Variants in COMMD10 observed in about 807,000 individuals in gnomAD.
The protein encoded by COMMD10 is COMM domain-containing protein 10.
Under a neutral mutation model 28.9 loss-of-function variants are expected in COMMD10, and 33 were observed. That is an observed-to-expected ratio of 1.14 (90% CI 0.87 to 1.53). The LOEUF is 1.53. COMMD10 is among the 40% of genes most tolerant of loss of function. The pLI, the probability that COMMD10 is intolerant of heterozygous loss-of-function variation, is 0.00. For missense variants in COMMD10, 310 were observed against 233.4 expected (o/e 1.33, Z -2.14); for synonymous variants, 110 against 81.7 (o/e 1.35, Z -1.87).
At chr5:116,136,265 T>C (rs975885022) in intron 5 of COMMD10, among the ~76,000 whole-genome samples, 1 of 152,236 alleles carries the variant, frequency 6.6e-6, no homozygotes, top group African/African-American at 2.4e-5. Context: ...TTGTTTCTTC[T>C]GTGAACTGAG....
At chr5:116,125,768 T>G (rs1465478460) in intron 4 of COMMD10, among the ~76,000 whole-genome samples, 1 of 152,104 alleles carries the variant, frequency 6.6e-6, no homozygotes, top group Middle Eastern at 3.2e-3. Flanking sequence ...CTTTTTTCTC[T>G]AAACTTCTCG....
At chr5:116,137,161 A>G (rs1752048337) in intron 5 of COMMD10, among the ~76,000 whole-genome samples, 1 of 151,984 alleles carries the variant, frequency 6.6e-6, no homozygotes. Flanking sequence ...ATGATTTGGT[A>G]TTCTATTCTT....
chr5:116,201,585 T>C (rs2112623612), intron 5 of COMMD10, among the ~76,000 whole-genome samples: 1 of 152,314 alleles, frequency 6.6e-6, no homozygotes, highest in East Asian at 1.9e-4. Context: ...ACTTCTCTTA[T>C]GGATCCGAGA....
At chr5:116,180,869 A>T (rs986535394) in intron 5 of COMMD10, among the ~76,000 whole-genome samples, 12 of 152,110 alleles carry the variant, frequency 7.9e-5, no homozygotes, top group Non-Finnish European at 1.5e-5. Context: ...ATGCTTATTT[A>T]AAAAGTCTTT....
intron 5 of COMMD10, among the ~76,000 whole-genome samples, chr5:116,180,024 C>G (rs945860544): frequency 6.6e-6 from 1 of 151,830 alleles, no homozygotes; most frequent in Non-Finnish European, 1.5e-5. Context: ...TGTTGTTACT[C>G]TTGATATTAA....
At chr5:116,108,600 G>C (rs768943801) in intron 4 of COMMD10, among the ~76,000 whole-genome samples, 1 of 152,198 alleles carries the variant, frequency 6.6e-6, no homozygotes, top group Non-Finnish European at 1.5e-5. Context: ...AGAATTTCAC[G>C]TCGGTGGATC....
At chr5:116,196,825 G>A (rs1032565236) in intron 5 of COMMD10, among the ~76,000 whole-genome samples, 4 of 151,814 alleles carry the variant, frequency 2.6e-5, no homozygotes, top group African/African-American at 9.7e-5. Flanking sequence ...CCTATATAAA[G>A]GACATCATAT....
chr5:116,255,940 A>G (rs1374526633), intron 5 of COMMD10: 1 of 151,588 alleles, frequency 6.6e-6, no homozygotes, highest in Non-Finnish European at 1.5e-5. Flanking sequence ...GTGTTCAGAA[A>G]CGTTGCAGTT....
rs185692372 is a variant in COMMD10, at chr5:116,249,582, A to G, written c.511-41935A>G. ...GAGACAAGTCAAGGTAAATTCCCTC[A>G]TATTCACATCTACACCTTATGGGTT... On this transcript the variant is annotated intron_variant, in intron 5 of 6. Coordinates refer to ENST00000274458, the MANE Select transcript of COMMD10 (RefSeq NM_016144.4). Among the ~76,000 whole-genome samples the G allele has an allele frequency of 2.6e-3, 392 of 151,802 alleles. 1 individual carries two copies. The highest frequency in any genetic ancestry group is 4.4e-3 in the Non-Finnish European group (301 of 67,814).
At chr5:116,127,647 A>G (rs1374902297) in intron 4 of COMMD10, among the ~76,000 whole-genome samples, 1 of 152,194 alleles carries the variant, frequency 6.6e-6, no homozygotes, top group Admixed American at 6.5e-5. Flanking sequence ...GAAGCTAGAA[A>G]CCATCATTCT....
At chr5:116,267,307 GACAA>G (rs1359965650) in intron 5 of COMMD10, among the ~76,000 whole-genome samples, 7 of 151,810 alleles carry the variant, frequency 4.6e-5, no homozygotes, top group East Asian at 3.9e-4. Flanking sequence ...ACCAATAACA[GACAA>G]ACAGAGAGTG....
At chr5:116,135,693 A>T (rs1752005558) in intron 5 of COMMD10, among the ~76,000 whole-genome samples, 1 of 152,146 alleles carries the variant, frequency 6.6e-6, no homozygotes. Flanking sequence ...TATTGTTGTT[A>T]ATCTCTTACA....
chr5:116,096,327 T>G (rs892858111), intron 4 of COMMD10, among the ~76,000 whole-genome samples: 12 of 151,826 alleles, frequency 7.9e-5, no homozygotes, highest in African/African-American at 2.7e-4. Context: ...CTTAAGTACT[T>G]TTTCTTTCTT....
chr5:116,169,993 A>G (rs191419953), intron 5 of COMMD10, among the ~76,000 whole-genome samples: 107 of 152,282 alleles, frequency 7.0e-4, no homozygotes, highest in African/African-American at 2.4e-3. Context: ...GGCCAGGGCA[A>G]TCAGGGAAGA....
intron 5 of COMMD10, among the ~76,000 whole-genome samples, chr5:116,171,380 G>A (rs1753327344): frequency 6.6e-6 from 1 of 152,118 alleles, no homozygotes; most frequent in African/African-American, 2.4e-5. Context: ...ACTGTTGGTG[G>A]GAGTGTAAAT....
chr5:116,159,440 C>G (rs1241703816), intron 5 of COMMD10, among the ~76,000 whole-genome samples: 1 of 152,188 alleles, frequency 6.6e-6, no homozygotes, highest in Non-Finnish European at 1.5e-5. Context: ...TGGAGAGAGG[C>G]CTTTCCTGAA....
At chr5:116,234,953 T>G (rs998489671) in intron 5 of COMMD10, among the ~76,000 whole-genome samples, 12 of 152,210 alleles carry the variant, frequency 7.9e-5, no homozygotes, top group Non-Finnish European at 1.5e-5. Flanking sequence ...CTTCAGAGTC[T>G]GACACCTTTC....
At chr5:116,183,823 A>G (rs773678175) in intron 5 of COMMD10, among the ~76,000 whole-genome samples, 1 of 152,136 alleles carries the variant, frequency 6.6e-6, no homozygotes, top group African/African-American at 2.4e-5. Context: ...CTGTGACCAT[A>G]TTCAGGTATA....
At chr5:116,281,400 T>C (rs1751065791) in intron 5 of COMMD10, among the ~76,000 whole-genome samples, 1 of 151,692 alleles carries the variant, frequency 6.6e-6, no homozygotes, top group African/African-American at 2.4e-5. Flanking sequence ...TAAAAAGGAA[T>C]GGGTGGTGAA....
Sources: gnomAD v4.1 joint callset for allele counts (sites outside exome capture counted in the v4.1 genomes callset) on GRCh38, gnomAD v4.1.1 for gene constraint, MANE v1.5 for transcripts, NCBI Gene and HGNC (gene_info 2026-07-23, HGNC 2026-07-21) for gene names.